Variants in NFKB1 observed in about 807,000 individuals in gnomAD.
The protein encoded by NFKB1 is nuclear factor NF-kappa-B p105 subunit.
Under a neutral mutation model 105.1 loss-of-function variants are expected in NFKB1, and 9 were observed. The ratio of observed to expected loss-of-function variants is 0.09; its 90% CI spans 0.05 to 0.15. NFKB1 has a LOEUF of 0.15. NFKB1 is among the 10% of genes least tolerant of loss of function. The probability of loss-of-function intolerance (pLI) is 1.00; values close to 1 mark genes in which losing one functional copy is unlikely to be tolerated. For missense variants in NFKB1, 830 were observed against 1,203.7 expected, an observed-to-expected ratio of 0.69 and a Z score of 4.59; for synonymous variants, 440 against 442.2, an observed-to-expected ratio of 1.00 and a Z score of 0.06.
At chr4:102,569,965 A>T (rs775550182) in intron 6 of NFKB1, among the ~76,000 whole-genome samples, 4 of 152,058 alleles carry the variant, frequency 2.6e-5, no homozygotes, top group Non-Finnish European at 4.4e-5. Context: ...TAATAATCTT[A>T]GTTTGGTGTT....
intron 11 of NFKB1, among the ~76,000 whole-genome samples, chr4:102,585,915 G>C (rs772322569): frequency 6.6e-6 from 1 of 152,142 alleles, no homozygotes; most frequent in East Asian, 1.9e-4. Context: ...TGTTCTGAGC[G>C]CTCGGATGGA....
intron 5 of NFKB1, among the ~76,000 whole-genome samples, chr4:102,566,686 G>A (rs1723900766): frequency 6.6e-6 from 1 of 152,284 alleles, no homozygotes; most frequent in East Asian, 1.9e-4. Flanking sequence ...GAGGCTTCAT[G>A]ACAACACAGC....
rs1723935652 is a variant in NFKB1, at chr4:102,567,025, G to A, written c.297G>A (p.Gln99=). 1 of 1,613,992 alleles carries A rather than the reference G, an allele frequency of 6.2e-7. No homozygotes were observed. The highest frequency in any genetic ancestry group is 8.5e-7 in the Non-Finnish European group (1 of 1,179,906). Residue 99 remains glutamine (Q), a synonymous_variant, in exon 6 of 24, where the codon CAG becomes CAA. Transcript: ENST00000226574. The part of the protein sequence containing the change: ...NYVGPAKVIV[Q]LVTNGKNIHL... ...TGGGACCAGCAAAGGTTATTGTTCAGTTGGTCACAAATGGAAAAAATATCC... is the reference window on the plus strand; with the variant it reads ...TGGGACCAGCAAAGGTTATTGTTCAATTGGTCACAAATGGAAAAAATATCC...
intron 6 of NFKB1, among the ~76,000 whole-genome samples, chr4:102,574,477 T>TA (rs1484825834): frequency 6.6e-6 from 1 of 151,760 alleles, no homozygotes; most frequent in Non-Finnish European, 1.5e-5. Context: ...TCTGAGTGTA[T>TA]CTCTGTTTGC....
At chr4:102,597,898 T>C (rs1048302515) in intron 15 of NFKB1, among the ~76,000 whole-genome samples, 1 of 152,220 alleles carries the variant, frequency 6.6e-6, no homozygotes, top group Admixed American at 6.5e-5. Context: ...AGTGAATCTC[T>C]CTGGGCAAGA....
chr4:102,581,168 G>A lies in NFKB1; in HGVS notation c.835+529G>A, dbSNP rs149759093. 5.1e-3 allele frequency among the ~76,000 whole-genome samples: 777 copies of A among 152,268 alleles called. 4 individuals carry two copies. The highest frequency in any genetic ancestry group is 8.2e-3 in the Non-Finnish European group (557 of 68,022). ...ATTTCTCTCACAATTTTCCCTTTGA[G>A]GAAAGGTTCTTGGCGTTTATCTTTC... On this transcript the variant is annotated intron_variant, in intron 9 of 23. Transcript: ENST00000226574.
chr4:102,531,880 C>T (rs1380229168), intron 3 of NFKB1, among the ~76,000 whole-genome samples: 1 of 152,156 alleles, frequency 6.6e-6, no homozygotes, highest in African/African-American at 2.4e-5. Flanking sequence ...ATGCTTCCAA[C>T]TCCTCTGTAT....
At chr4:102,539,453 A>G (rs1741861129) in intron 5 of NFKB1, among the ~76,000 whole-genome samples, 2 of 152,098 alleles carry the variant, frequency 1.3e-5, no homozygotes, top group African/African-American at 4.8e-5. Flanking sequence ...TCATAGTTGC[A>G]TTTTAAGTCT....
intron 5 of NFKB1, among the ~76,000 whole-genome samples, chr4:102,547,635 A>G (rs912515890): frequency 6.6e-6 from 1 of 152,336 alleles, no homozygotes; most frequent in African/African-American, 2.4e-5. Flanking sequence ...CCACACAGTA[A>G]GCACTTAAAA....
In NFKB1 at chr4:102,540,942, C is replaced by G. The variant is rs563307478; in HGVS notation, c.258+2986C>G. On this transcript the variant is annotated intron_variant, in intron 5 of 23. Coordinates refer to ENST00000226574, the MANE Select transcript of NFKB1 (RefSeq NM_003998.4). The stretch of plus-strand genomic sequence containing the variant: ...CATGCATCTTTCTAATCAGGAAGAC[C>G]TTTAAAATTGTGCATGTCTTTTCTG... 2.0e-5 allele frequency among the ~76,000 whole-genome samples: 3 copies of G among 152,186 alleles called. No individual in the cohort carries two copies. In the South Asian group the frequency reaches 6.2e-4, roughly 32 times the overall value.
chr4:102,565,031 G>C (rs879655298), intron 5 of NFKB1, among the ~76,000 whole-genome samples: 1 of 152,128 alleles, frequency 6.6e-6, no homozygotes, highest in Non-Finnish European at 1.5e-5. Context: ...ACAGCAGTCA[G>C]CTTTGGAGAA....
chr4:102,588,552 A>T (rs1265233426), intron 11 of NFKB1, among the ~76,000 whole-genome samples: 1 of 152,190 alleles, frequency 6.6e-6, no homozygotes, highest in African/African-American at 2.4e-5. Flanking sequence ...GCCAAGATAA[A>T]TGCAGTCACC....
At chr4:102,550,191 C>T (rs1199829203) in intron 5 of NFKB1, among the ~76,000 whole-genome samples, 1 of 152,004 alleles carries the variant, frequency 6.6e-6, no homozygotes, top group Non-Finnish European at 1.5e-5. Context: ...TATTCTTGGC[C>T]AGTGGGAGTC....
intron 5 of NFKB1, 51 bp downstream of exon 5, chr4:102,538,007 C>T (rs1164719109): frequency 1.9e-5 from 22 of 1,154,642 alleles, no homozygotes; most frequent in Non-Finnish European, 2.6e-5. Flanking sequence ...ATTTTGATTT[C>T]CTACGATTTC....
intron 5 of NFKB1, among the ~76,000 whole-genome samples, chr4:102,551,640 G>A (rs1244706045): frequency 6.6e-6 from 1 of 152,094 alleles, no homozygotes; most frequent in African/African-American, 2.4e-5. Flanking sequence ...TCCCTGTTTT[G>A]GTAGTTCAGG....
intron 16 of NFKB1, among the ~76,000 whole-genome samples, chr4:102,601,663 G>A (rs1449396189): frequency 6.6e-6 from 1 of 152,190 alleles, no homozygotes; most frequent in Non-Finnish European, 1.5e-5. Flanking sequence ...GAGACACAGC[G>A]AGGCCCTTTG....
rs781620527 is a variant in NFKB1 at position 102,613,542 on chromosome 4, T to G, written c.2710T>G (p.Ser904Ala). 1 of 1,613,536 alleles carries G rather than the reference T, an allele frequency of 6.2e-7. No homozygotes were observed. Among genetic ancestry groups the G allele is most frequent in the Non-Finnish European group, 8.5e-7 (1 of 1,179,896 alleles). ...AGTGAAGACCACCTCTCAGGCCCAC[T>G]CGCTGCCTCTCTCGCCTGCCTCCAC... ...SPVKTTSQAH[S>A]LPLSPASTRQ... The change falls in exon 23 of 24, where the codon TCG becomes GCG. Residue 904 changes from serine to alanine, a missense_variant. Ser to Ala is a moderately conservative substitution (Grantham distance 99). This residue lies in a region of NFKB1 where 418 missense variants were observed against 575.3 expected (regional missense o/e 0.73). Transcript: ENST00000226574.
At chr4:102,596,094 T>C (rs1181863821) in intron 13 of NFKB1, 44 bp from the exon 14 acceptor site, 1 of 1,367,186 alleles carries the variant, frequency 7.3e-7, no homozygotes, top group Non-Finnish European at 1.0e-6. Context: ...TATCACTAAA[T>C]ACATTTTACT....
chr4:102,593,345 T>C, intron 11 of NFKB1, 80 bp from the exon 12 acceptor site: 1 of 1,267,748 alleles, frequency 7.9e-7, no homozygotes. Flanking sequence ...AAAATACCAT[T>C]AGAATCAGTG....
Sources: allele counts gnomAD v4.1 joint callset (sites outside exome capture counted in the v4.1 genomes callset), GRCh38; gene constraint gnomAD v4.1.1; regional missense constraint gnomAD v4.1.1; transcripts MANE v1.5; gene names NCBI Gene and HGNC (gene_info 2026-07-23, HGNC 2026-07-21).